The following DCTN6 variants were observed in gnomAD, a reference collection of about 807,000 sequenced individuals.
DCTN6 encodes the protein dynactin 6.
A neutral mutation model predicts 25.8 loss-of-function variants in DCTN6; 15 were observed. The observed-to-expected ratio is 0.58, with a 90% CI of 0.39 to 0.89. The LOEUF (loss-of-function observed/expected upper bound fraction) is 0.89, where lower values mean the gene tolerates loss of function less well. Ranked by LOEUF, DCTN6 falls within the 40% of genes least tolerant of loss-of-function variation. The probability of loss-of-function intolerance (pLI) is 0.00; values close to 1 mark genes in which losing one functional copy is unlikely to be tolerated. For synonymous variants in DCTN6, 64 were observed against 78.3 expected (o/e 0.82, Z 0.96); for missense variants, 198 against 237.6 (o/e 0.83, Z 1.09).
At chr8:30,179,635 T>C (rs1464618415) in intron 5 of DCTN6, among the ~76,000 whole-genome samples, 180 bp downstream of exon 5, 1 of 152,192 alleles carries the variant, frequency 6.6e-6, no homozygotes, top group Non-Finnish European at 1.5e-5. Flanking sequence ...TATCTGGTAA[T>C]GTTAAATACA....
chr8:30,170,259 CA>C (rs11292527), intron 2 of DCTN6, among the ~76,000 whole-genome samples: 10,740 of 151,982 alleles, frequency 0.071, 477 homozygotes, highest in East Asian at 0.24. Flanking sequence ...AGTCTGTGCC[CA>C]AAAAAGACCC....
intron 2 of DCTN6, among the ~76,000 whole-genome samples, chr8:30,168,772 A>G (rs1033582356): frequency 2.6e-5 from 4 of 152,198 alleles, no homozygotes; most frequent in African/African-American, 9.7e-5. Context: ...CAGAAACCCT[A>G]TGACTTGAAG....
intron 1 of DCTN6, among the ~76,000 whole-genome samples, chr8:30,161,849 AC>A (rs2117576469): frequency 1.4e-5 from 2 of 143,838 alleles, no homozygotes; most frequent in Admixed American, 1.4e-4. Flanking sequence ...CTGGGTTCAC[AC>A]CACTCTCCTG....
intron 4 of DCTN6, among the ~76,000 whole-genome samples, chr8:30,178,082 G>T (rs923211953): frequency 6.6e-6 from 1 of 152,114 alleles, no homozygotes; most frequent in Non-Finnish European, 1.5e-5. Context: ...TGGTGTGTAG[G>T]GGTGAAAATA....
At chr8:30,170,062 A>G (rs754522720) in intron 2 of DCTN6, among the ~76,000 whole-genome samples, 1 of 151,826 alleles carries the variant, frequency 6.6e-6, no homozygotes, top group Admixed American at 6.6e-5. Flanking sequence ...AGTCCCAGCT[A>G]CTCGGGAGGC....
intron 4 of DCTN6, among the ~76,000 whole-genome samples, chr8:30,179,147 A>G (rs1156377637): frequency 6.6e-6 from 1 of 152,224 alleles, no homozygotes; most frequent in African/African-American, 2.4e-5. Context: ...ACAATTATGA[A>G]AATATTTTAC....
intron 1 of DCTN6, among the ~76,000 whole-genome samples, chr8:30,163,852 G>A (rs1205077756): frequency 3.9e-5 from 6 of 152,072 alleles, no homozygotes; most frequent in South Asian, 2.1e-4. Context: ...ACAGGTGCTC[G>A]CCACCACGCC....
At chr8:30,163,026 G>C (rs906906543) in intron 1 of DCTN6, among the ~76,000 whole-genome samples, 1 of 151,692 alleles carries the variant, frequency 6.6e-6, no homozygotes, top group Non-Finnish European at 1.5e-5. Context: ...CGCCGGGCAC[G>C]GTGGCTTATG....
chr8:30,173,732 A>T (rs1347018903), intron 2 of DCTN6, among the ~76,000 whole-genome samples: 7 of 96,294 alleles, frequency 7.3e-5, no homozygotes, highest in Non-Finnish European at 1.2e-4. Context: ...CCTGTCTCTT[A>T]AAAAAAAAAA....
At chr8:30,157,311 A>T (rs1803539339) in intron 1 of DCTN6, among the ~76,000 whole-genome samples, 1 of 152,186 alleles carries the variant, frequency 6.6e-6, no homozygotes, top group African/African-American at 2.4e-5. Context: ...GTATAGATAC[A>T]CCACATTTCC....
At chr8:30,181,420 A>G (rs1347025480) in intron 6 of DCTN6, among the ~76,000 whole-genome samples, 1 of 152,196 alleles carries the variant, frequency 6.6e-6, no homozygotes, top group Non-Finnish European at 1.5e-5. Flanking sequence ...GGCTTGAGAA[A>G]TTATCTCCTC....
chr8:30,160,650 A>G (rs538636421), intron 1 of DCTN6, among the ~76,000 whole-genome samples: 2 of 152,340 alleles, frequency 1.3e-5, no homozygotes, highest in African/African-American at 4.8e-5. Context: ...GTGTCTGTAA[A>G]CAATACAGTA....
At chr8:30,157,080 C>T (rs1316996732) in intron 1 of DCTN6, among the ~76,000 whole-genome samples, 1 of 152,154 alleles carries the variant, frequency 6.6e-6, no homozygotes, top group African/African-American at 2.4e-5. Flanking sequence ...AATTTTTCAG[C>T]CCTCAAACCC....
intron 6 of DCTN6, chr8:30,180,923 T>C: frequency 2.5e-6 from 1 of 401,822 alleles, no homozygotes. Flanking sequence ...GTCCAGCTAC[T>C]GAGGAGGCTG....
chr8:30,180,831 A>T, intron 6 of DCTN6: 1 of 628,110 alleles, frequency 1.6e-6, no homozygotes, highest in East Asian at 2.8e-5. Flanking sequence ...CAGGAATTTA[A>T]GAGCAGCCTG....
intron 4 of DCTN6, chr8:30,177,429 G>T (rs1452860160): frequency 2.7e-6 from 1 of 368,644 alleles, no homozygotes; most frequent in Non-Finnish European, 4.9e-6. Flanking sequence ...ATCCAGGCTG[G>T]GTGCGGTGGC....
At position 30,156,416 on chromosome 8, in the gene DCTN6, C is replaced by T; in HGVS notation, c.23+10C>T. Reference sequence around the variant, plus strand: ...AGAAGACTCAAAAGAGGTGGGTTTGCTGCTTGAGAAAAGCCTTTTCTCAGC... The same window carrying T: ...AGAAGACTCAAAAGAGGTGGGTTTGTTGCTTGAGAAAAGCCTTTTCTCAGC... On this transcript the variant is annotated intron_variant, in intron 1 of 6. Transcript: ENST00000221114. 6.2e-7 allele frequency: 1 copy of T among 1,601,802 alleles called. No homozygotes were observed. The highest frequency in any genetic ancestry group is 1.7e-5 in the Admixed American group (1 of 58,266).
At chr8:30,156,448 T>C (rs770335786) in intron 1 of DCTN6, 42 bp downstream of exon 1, 9 of 1,581,274 alleles carry the variant, frequency 5.7e-6, no homozygotes, top group Non-Finnish European at 6.9e-6. Flanking sequence ...CAGCTTTCCG[T>C]AGGGGTGGAA....
At chr8:30,158,243 T>G (rs979026014) in intron 1 of DCTN6, among the ~76,000 whole-genome samples, 1 of 152,218 alleles carries the variant, frequency 6.6e-6, no homozygotes. Flanking sequence ...GATAATGCTC[T>G]TTTCATAATG....
Sources: gnomAD v4.1 joint callset for allele counts (sites outside exome capture counted in the v4.1 genomes callset) on GRCh38, gnomAD v4.1.1 for gene constraint, MANE v1.5 for transcripts, NCBI Gene and HGNC (gene_info 2026-07-23, HGNC 2026-07-21) for gene names.